The following DCP1A variants were observed in gnomAD, a reference collection of about 807,000 sequenced individuals.
The protein encoded by DCP1A is decapping mRNA 1A, also known as mRNA-decapping enzyme 1A.
Under a neutral mutation model 58.0 loss-of-function variants are expected in DCP1A, and 20 were observed. That is an observed-to-expected ratio of 0.34 (90% CI 0.24 to 0.50). DCP1A has a LOEUF of 0.50. Ranked by LOEUF, DCP1A falls within the 20% of genes least tolerant of loss-of-function variation. DCP1A has a pLI of 0.98. For missense variants in DCP1A, 613 were observed against 712.2 expected, an observed-to-expected ratio of 0.86 and a Z score of 1.59; for synonymous variants, 285 against 275.1, an observed-to-expected ratio of 1.04 and a Z score of -0.36.
Position 53,288,272 on chromosome 3 carries a change from G to A in DCP1A, c.1461C>T (p.Ala487=), listed in dbSNP as rs1553685463. 7 of 1,609,754 alleles carry A rather than the reference G, an allele frequency of 4.3e-6. No homozygotes were observed. Among genetic ancestry groups the A allele is most frequent in the Admixed American group, 1.7e-5 (1 of 59,062 alleles). The change falls in exon 9 of 10, where the codon GCC becomes GCT. Residue 487 remains alanine (A), a synonymous_variant. Transcript: ENST00000610213. ...VLSSAIPVAG[A]PLVTATTTAV... ...CAGTGGTCGTTGCAGTAACCAGTGG[G>A]GCGCCTGCAACCTGGAGAGTGACAA...
At chr3:53,287,992 C>A in intron 9 of DCP1A, 73 bp downstream of exon 9, 2 of 1,408,960 alleles carry the variant, frequency 1.4e-6, no homozygotes, top group Non-Finnish European at 9.7e-7. Context: ...TGAACTGATT[C>A]TGTAAGAGGA....
chr3:53,347,387 T>C lies in DCP1A; in HGVS notation c.131A>G (p.Gln44Arg). 1 of 1,595,756 alleles carries C rather than the reference T, an allele frequency of 6.3e-7. No homozygotes were observed. Among genetic ancestry groups the C allele is most frequent in the Non-Finnish European group, 8.5e-7 (1 of 1,170,940 alleles). Residue 44 changes from glutamine (Q) to arginine (R), a missense_variant, in exon 1 of 10, where the codon CAG becomes CGG. Gln to Arg is a conservative substitution (Grantham distance 43, BLOSUM62 1). Transcript: ENST00000610213. ...TCAGGGCCAGGCGGCACTCACCCAC[T>C]GGTTGGCCTTGGGGCAGAAGGTGTA... is the stretch of plus-strand genomic sequence containing the variant. ...ALYTFCPKAN[Q>R]WEKTDIEGTL...
chr3:53,295,954 G>A (rs1235236173), intron 6 of DCP1A, among the ~76,000 whole-genome samples: 1 of 150,698 alleles, frequency 6.6e-6, no homozygotes, highest in Non-Finnish European at 1.5e-5. Flanking sequence ...GTGCGGTGGC[G>A]TGACCTCGGC....
rs148028073 is a variant in DCP1A, at chr3:53,317,825, G to A, written c.371+1582C>T. Among the ~76,000 whole-genome samples, 27 of 152,288 alleles carry A rather than the reference G, an allele frequency of 1.8e-4. No homozygotes were observed. The East Asian group carries it at 5.2e-3, about 29-fold the overall frequency. ...TGACTACAAGTTCATACAGAACGAT[G>A]CCCTTGGGGTGTACACAAGTAATAA... On this transcript the variant is annotated intron_variant, in intron 4 of 9. Coordinates refer to ENST00000610213, the MANE Select transcript of DCP1A (RefSeq NM_018403.7).
intron 3 of DCP1A, chr3:53,333,209 T>C (rs1474436938): frequency 2.6e-5 from 4 of 151,658 alleles, no homozygotes; most frequent in African/African-American, 9.7e-5. Flanking sequence ...TAGTGTGATC[T>C]TGGCTCACTG....
intron 5 of DCP1A, among the ~76,000 whole-genome samples, chr3:53,309,143 G>A (rs964949621): frequency 3.3e-5 from 5 of 152,026 alleles, no homozygotes; most frequent in East Asian, 3.9e-4. Flanking sequence ...AGGCTGAGGC[G>A]GGCCAATCAC....
chr3:53,287,859 A>G (rs1706700545), intron 9 of DCP1A, among the ~76,000 whole-genome samples, 199 bp from the exon 10 acceptor site: 1 of 151,866 alleles, frequency 6.6e-6, no homozygotes, highest in Admixed American at 6.6e-5. Flanking sequence ...AAAAAAAGAG[A>G]AACAGTACTC....
At chr3:53,317,669 G>A (rs782032068) in intron 4 of DCP1A, among the ~76,000 whole-genome samples, 2 of 152,024 alleles carry the variant, frequency 1.3e-5, no homozygotes, top group Non-Finnish European at 2.9e-5. Context: ...TGGGCAATAC[G>A]GCAACATCCT....
At chr3:53,313,751 C>G (rs957983042) in intron 4 of DCP1A, among the ~76,000 whole-genome samples, 1 of 151,606 alleles carries the variant, frequency 6.6e-6, no homozygotes, top group Non-Finnish European at 1.5e-5. Flanking sequence ...TAGTGAAACC[C>G]TGTTTTAAAA....
intron 3 of DCP1A, among the ~76,000 whole-genome samples, chr3:53,321,992 A>C (rs1707981485): frequency 6.6e-6 from 1 of 152,204 alleles, no homozygotes; most frequent in East Asian, 1.9e-4. Context: ...ATTTTAAATA[A>C]ATCAAAAAAT....
rs1706509633 is a variant in DCP1A at position 53,283,507 on chromosome 3, C to A, written c.*4073G>T. 1 of 152,150 alleles carries A rather than the reference C, an allele frequency of 6.6e-6. No individual in the cohort carries two copies. The highest frequency in any genetic ancestry group is 2.4e-5 in the African/African-American group (1 of 41,436). The allele number at this position is 152,150 out of a possible 1,614,324, so 9.4% of individuals were successfully genotyped here. A position where few individuals can be genotyped will look rare whatever the true frequency, so the allele number is the denominator to read the frequency against. ...TATAAAATTTAAGATGAAAAACGCT[C>A]ATTTTAAAACATGTAATAACTTAAT... On this transcript the variant is annotated 3_prime_UTR_variant, in exon 10 of 10. Transcript: ENST00000610213.
chr3:53,287,748 T>C (rs747592095), intron 9 of DCP1A, 88 bp from the exon 10 acceptor site: 2 of 925,620 alleles, frequency 2.2e-6, no homozygotes, highest in Non-Finnish European at 3.5e-6. Context: ...GGAAAAAAAT[T>C]GTATAAATGA....
chr3:53,345,275 T>C (rs2089278577), intron 1 of DCP1A, among the ~76,000 whole-genome samples: 1 of 152,192 alleles, frequency 6.6e-6, no homozygotes, highest in South Asian at 2.1e-4. Context: ...ATTTCTTAAC[T>C]TTAAAGCTAA....
rs1189077176 is a variant in DCP1A at position 53,284,042 on chromosome 3, G to A, written c.*3538C>T. 6.6e-6 allele frequency: 1 copy of A among 152,200 alleles called. No homozygotes were observed. Among genetic ancestry groups the A allele is most frequent in the Non-Finnish European group, 1.5e-5 (1 of 68,050 alleles). The allele number at this position is 152,200 out of a possible 1,614,324, so 9.4% of individuals were successfully genotyped here. A position where few individuals can be genotyped will look rare whatever the true frequency, so the allele number is the denominator to read the frequency against. On this transcript the variant is annotated 3_prime_UTR_variant, in exon 10 of 10. Transcript: ENST00000610213. ...ACACAGGGCACTATTGGTTCCAGAAGATACACTGAACGCAACTGAAGAAAA... is the reference window on the plus strand; with the variant it reads ...ACACAGGGCACTATTGGTTCCAGAAAATACACTGAACGCAACTGAAGAAAA...
intron 5 of DCP1A, among the ~76,000 whole-genome samples, chr3:53,311,906 G>C (rs1278041798): frequency 3.3e-5 from 5 of 151,654 alleles, no homozygotes; most frequent in Non-Finnish European, 5.9e-5. Flanking sequence ...GGGTAAGCAA[G>C]TTCTTTCCTT....
Position 53,319,426 on chromosome 3 carries a change from T to A in DCP1A, c.352A>T (p.Ile118Leu). ...WFYDKNDCHRIAKLMADVVEE... is the reference protein window; with the variant it reads ...WFYDKNDCHRLAKLMADVVEE... ...ACTTACTCAGCCATGAGTTTTGCTA[T>A]GCGGTGACAGTCATTCTTGTCATAA... Residue 118 changes from isoleucine to leucine, a missense_variant, in exon 4 of 10, where the codon ATA becomes TTA. Ile to Leu is a conservative substitution (Grantham distance 5). Around this residue, in one of 3 missense-constraint regions of DCP1A, gnomAD observed 65 missense variants for 118.5 expected, o/e 0.55. Coordinates refer to ENST00000610213, the MANE Select transcript of DCP1A (RefSeq NM_018403.7). The A allele has an allele frequency of 6.4e-7, 1 of 1,561,350 alleles. No homozygotes were observed. The highest frequency in any genetic ancestry group is 8.7e-7 in the Non-Finnish European group (1 of 1,150,290).
intron 4 of DCP1A, among the ~76,000 whole-genome samples, chr3:53,318,267 T>C (rs1359559293): frequency 6.6e-6 from 1 of 152,026 alleles, no homozygotes; most frequent in African/African-American, 2.4e-5. Context: ...ACTGCGCCAC[T>C]GCACTCCAGA....
At position 53,319,491 on chromosome 3, in the gene DCP1A, A is replaced by G; in HGVS notation, c.305-18T>C. The G allele has an allele frequency of 6.7e-7, 1 of 1,489,752 alleles. No homozygotes were observed. The highest frequency in any genetic ancestry group is 1.4e-5 in the African/African-American group (1 of 71,868). The allele number at this position is 1,489,752 out of a possible 1,614,324, so 92.3% of individuals were successfully genotyped here. A position where few individuals can be genotyped will look rare whatever the true frequency, so the allele number is the denominator to read the frequency against. On this transcript the variant is annotated intron_variant, in intron 3 of 9. Transcript: ENST00000610213. Reference sequence around the variant, plus strand: ...TATCGACACTTGAAAAACAAAGGGAAAAAAAGATAAGAAGAAATGAGGTTT... The same window carrying G: ...TATCGACACTTGAAAAACAAAGGGAGAAAAAGATAAGAAGAAATGAGGTTT...
intron 3 of DCP1A, among the ~76,000 whole-genome samples, chr3:53,326,241 T>A (rs1165954134): frequency 6.6e-6 from 1 of 152,192 alleles, no homozygotes; most frequent in African/African-American, 2.4e-5. Context: ...AAATGACCAT[T>A]GAACTTCTTT....
Sources: allele counts gnomAD v4.1 joint callset (sites outside exome capture counted in the v4.1 genomes callset), GRCh38; gene constraint gnomAD v4.1.1; regional missense constraint gnomAD v4.1.1; transcripts MANE v1.5; gene names NCBI Gene and HGNC (gene_info 2026-07-23, HGNC 2026-07-21).